The following PNKD variants were observed in gnomAD, a reference collection of about 807,000 sequenced individuals.
PNKD encodes PNKD metallo-beta-lactamase domain containing.
Under a neutral mutation model 45.3 loss-of-function variants are expected in PNKD, and 36 were observed. The ratio of observed to expected loss-of-function variants is 0.80; its 90% CI spans 0.61 to 1.05. The LOEUF is 1.05. Ranked by LOEUF, PNKD falls within the 50% of genes least tolerant of loss-of-function variation. The pLI is 0.00. For synonymous variants in PNKD, 197 were observed against 210.1 expected, an observed-to-expected ratio of 0.94 and a Z score of 0.54; for missense variants, 511 against 506.6, an observed-to-expected ratio of 1.01 and a Z score of -0.08.
At chr2:218,284,699 A>G (rs1006853916) in intron 2 of PNKD, among the ~76,000 whole-genome samples, 3 of 152,222 alleles carry the variant, frequency 2.0e-5, no homozygotes, top group Non-Finnish European at 2.9e-5. Flanking sequence ...TACCATGACC[A>G]TTTCAACTCA....
At chr2:218,311,769 G>A (rs1409100899) in intron 2 of PNKD, among the ~76,000 whole-genome samples, 1 of 151,542 alleles carries the variant, frequency 6.6e-6, no homozygotes, top group African/African-American at 2.4e-5. Context: ...AACTGCAAAG[G>A]GGCCTCCCTC....
intron 2 of PNKD, among the ~76,000 whole-genome samples, chr2:218,308,914 TTCTCTCTTTCTC>T (rs1291312246): frequency 6.6e-6 from 1 of 151,960 alleles, no homozygotes; most frequent in Non-Finnish European, 1.5e-5. Context: ...CTTTCTCTTT[TTCTCTCTTTCTC>T]TCTCTCTTTC....
chr2:218,288,553 A>C (rs1692709290), intron 2 of PNKD, among the ~76,000 whole-genome samples: 1 of 152,180 alleles, frequency 6.6e-6, no homozygotes, highest in African/African-American at 2.4e-5. Flanking sequence ...CAAAATCCAA[A>C]ATGCTCCACA....
chr2:218,277,118 G>A (rs756427714), intron 2 of PNKD: 1 of 1,609,080 alleles, frequency 6.2e-7, no homozygotes, highest in Non-Finnish European at 8.5e-7. Context: ...AAGCAAGAAA[G>A]AGGCACCTGT....
intron 2 of PNKD, among the ~76,000 whole-genome samples, chr2:218,282,895 C>T (rs962071808): frequency 3.3e-5 from 5 of 152,202 alleles, no homozygotes; most frequent in Admixed American, 2.0e-4. Flanking sequence ...CTTCAAATAA[C>T]AGCGGTGGCG....
At chr2:218,272,435 C>T (rs1036027365) in intron 2 of PNKD, 1 of 802,126 alleles carries the variant, frequency 1.2e-6, no homozygotes, top group Admixed American at 2.0e-5. Context: ...CTCCAGCAGC[C>T]AGCACAGAGG....
At chr2:218,322,231 T>C (rs1694005820) in intron 2 of PNKD, among the ~76,000 whole-genome samples, 1 of 152,202 alleles carries the variant, frequency 6.6e-6, no homozygotes, top group Non-Finnish European at 1.5e-5. Context: ...CGAGCTTGAC[T>C]CTTTAGAGCA....
Position 218,271,411 on chromosome 2 carries a change from C to A in PNKD, c.98C>A (p.Ala33Asp), listed in dbSNP as rs1454591039. The A allele has an allele frequency of 1.2e-6, 2 of 1,613,858 alleles. No homozygotes were observed. Among genetic ancestry groups the A allele is most frequent in the Non-Finnish European group, 1.7e-6 (2 of 1,179,720 alleles). The change falls in exon 2 of 10, where the codon GCT becomes GAT. Residue 33 changes from alanine to aspartate, a missense_variant. Coordinates refer to ENST00000273077, the MANE Select transcript of PNKD (RefSeq NM_015488.5). ...CTCGCAGGAGCCACAGCTAACAAGG[C>A]TTCTCATAACAGGACCCGGGCCCTG... ...GILAGATANKASHNRTRALQS... is the reference protein window; with the variant it reads ...GILAGATANKDSHNRTRALQS...
chr2:218,345,172 G>T lies in PNKD; in HGVS notation c.*191G>T. 2 of 601,504 alleles carry T rather than the reference G, an allele frequency of 3.3e-6. No individual in the cohort carries two copies. Among genetic ancestry groups the T allele is most frequent in the Non-Finnish European group, 2.9e-6 (1 of 341,460 alleles). The allele number at this position is 601,504 out of a possible 1,614,324, so 37.3% of individuals were successfully genotyped here. A position where few individuals can be genotyped will look rare whatever the true frequency, so the allele number is the denominator to read the frequency against. Reference sequence around the variant, plus strand: ...TGAGGCCAAAAGAAGGGGGCCTGTTGGAGGCTGGGAACCCCGCAGCGCGAG... The same window carrying T: ...TGAGGCCAAAAGAAGGGGGCCTGTTTGAGGCTGGGAACCCCGCAGCGCGAG... On this transcript the variant is annotated 3_prime_UTR_variant, in exon 10 of 10. Transcript: ENST00000273077.
At chr2:218,323,784 C>T (rs1012631959) in intron 2 of PNKD, among the ~76,000 whole-genome samples, 2 of 150,922 alleles carry the variant, frequency 1.3e-5, no homozygotes, top group African/African-American at 4.9e-5. Context: ...AAGACCGTCC[C>T]TGTCCGGGGG....
At chr2:218,295,688 G>T (rs1376414912) in intron 2 of PNKD, among the ~76,000 whole-genome samples, 1 of 152,068 alleles carries the variant, frequency 6.6e-6, no homozygotes, top group African/African-American at 2.4e-5. Context: ...CAGAAATTGA[G>T]ATTTTACCCT....
intron 2 of PNKD, among the ~76,000 whole-genome samples, chr2:218,334,233 A>T (rs1694419731): frequency 6.6e-6 from 1 of 152,096 alleles, no homozygotes. Flanking sequence ...TAATCACAGT[A>T]CAGTCATCAA....
chr2:218,329,469 AGCCAGG>A (rs1235507349), intron 2 of PNKD, among the ~76,000 whole-genome samples: 2 of 152,278 alleles, frequency 1.3e-5, no homozygotes, highest in Middle Eastern at 3.2e-3. Context: ...AAGGCCTCCC[AGCCAGG>A]GCTGAGACCA....
chr2:218,334,945 C>T (rs1342816870), intron 2 of PNKD, among the ~76,000 whole-genome samples: 3 of 151,662 alleles, frequency 2.0e-5, no homozygotes, highest in Admixed American at 6.6e-5. Context: ...TAGAAACTCT[C>T]GGTGTTAGCC....
intron 2 of PNKD, among the ~76,000 whole-genome samples, chr2:218,333,983 C>T (rs560279720): frequency 1.6e-4 from 16 of 102,648 alleles, no homozygotes; most frequent in Admixed American, 4.0e-4. Context: ...GGCGTGGTGG[C>T]GGGCACCTGT....
intron 2 of PNKD, among the ~76,000 whole-genome samples, chr2:218,337,326 G>T (rs955185982): frequency 3.3e-5 from 5 of 152,102 alleles, no homozygotes; most frequent in African/African-American, 7.2e-5. Flanking sequence ...ACCTGCCTTG[G>T]CCTCCCAAAG....
chr2:218,279,174 T>A lies in PNKD; in HGVS notation c.236+7625T>A. ...CCAGCCAGGCAGCCCTGGCTTCACCTTCTCTAATTGCCCATGGTCACCCTG... is the reference window on the plus strand; with the variant it reads ...CCAGCCAGGCAGCCCTGGCTTCACCATCTCTAATTGCCCATGGTCACCCTG... On this transcript the variant is annotated intron_variant, in intron 2 of 9. Transcript: ENST00000273077. 5.7e-6 allele frequency: 9 copies of A among 1,592,012 alleles called. No homozygotes were observed. In the South Asian group the frequency reaches 1.0e-4, roughly 18 times the overall value.
At chr2:218,273,738 C>G (rs1177465967) in intron 2 of PNKD, among the ~76,000 whole-genome samples, 2 of 151,684 alleles carry the variant, frequency 1.3e-5, no homozygotes, top group East Asian at 1.9e-4. Context: ...GTGATTCCCC[C>G]CCACCGCCCT....
intron 2 of PNKD, among the ~76,000 whole-genome samples, chr2:218,322,380 A>C (rs572220073): frequency 6.6e-6 from 1 of 152,176 alleles, no homozygotes; most frequent in Non-Finnish European, 1.5e-5. Flanking sequence ...GGACCTTAAC[A>C]ACTTCTAGAA....
Sources: allele counts gnomAD v4.1 joint callset (sites outside exome capture counted in the v4.1 genomes callset), GRCh38; gene constraint gnomAD v4.1.1; transcripts MANE v1.5; gene names NCBI Gene and HGNC (gene_info 2026-07-23, HGNC 2026-07-21).